The following COL6A1 variants were observed in gnomAD, a reference collection of about 807,000 sequenced individuals.
COL6A1 encodes the protein collagen alpha-1(VI) chain.
COL6A1 carries 80 observed loss-of-function variants against 145.6 expected under a neutral mutation model. That is an observed-to-expected ratio of 0.55 (90% CI 0.46 to 0.66). The LOEUF is 0.66. COL6A1 is among the 30% of genes least tolerant of loss of function. The probability of loss-of-function intolerance (pLI) is 0.00; values close to 1 mark genes in which losing one functional copy is unlikely to be tolerated. For missense variants in COL6A1, 1,364 were observed against 1,473.8 expected, an observed-to-expected ratio of 0.93 and a Z score of 1.22; for synonymous variants, 638 against 622.8, an observed-to-expected ratio of 1.02 and a Z score of -0.36.
intron 24 of COL6A1, 36 bp downstream of exon 24, chr21:45,998,469 CACAA>C: frequency 5.0e-6 from 8 of 1,612,740 alleles, no homozygotes; most frequent in African/African-American, 1.3e-5. Flanking sequence ...GCTGTGGGCA[CACAA>C]ACATTCACAG....
intron 13 of COL6A1, 48 bp downstream of exon 13, chr21:45,990,470 G>GGTGGACAGTGTGAAGGTGACCA: frequency 2.1e-6 from 1 of 485,178 alleles, no homozygotes; most frequent in Non-Finnish European, 2.8e-6. Flanking sequence ...GGAGGAATGG[G>GGTGGACAGTGTGAAGGTGACCA]GCGAGATGGG....
In COL6A1 at chr21:45,998,950, C is replaced by G. The variant is rs369802454; in HGVS notation, c.1665C>G (p.Pro555=). ...LKGDEGEAGD[P]GDDNNDIAPR... is the part of the protein sequence containing the mutation. Reference sequence around the variant, plus strand: ...GGGACGAGGGAGAAGCCGGGGACCCCGGAGACGATGTAAGTGTGGATGGGA... The same window carrying G: ...GGGACGAGGGAGAAGCCGGGGACCCGGGAGACGATGTAAGTGTGGATGGGA... The change falls in exon 25 of 35, where the codon CCC becomes CCG. Residue 555 remains proline (P), a synonymous_variant. Transcript: ENST00000361866. 6.4e-7 allele frequency: 1 copy of G among 1,554,058 alleles called. No individual in the cohort carries two copies. The highest frequency in any genetic ancestry group is 1.2e-5 in the South Asian group (1 of 84,346).
rs1036934830 is a variant in COL6A1, at chr21:45,992,932, C to T, written c.1335+122C>T. The T allele has an allele frequency of 1.3e-5, 11 of 839,496 alleles. No homozygotes were observed. The Admixed American group carries it at 2.6e-4, about 20-fold the overall frequency. The allele number at this position is 839,496 out of a possible 1,614,324, so 52.0% of individuals were successfully genotyped here. ...AGCCCCTGTGGCCCCTCAACGTGGC[C>T]AGCCCATCCCCACGCCGTCAGGGAG... On this transcript the variant is annotated intron_variant, in intron 19 of 34. Transcript: ENST00000361866.
In COL6A1 at chr21:45,994,371, G is replaced by A. The variant is rs546270038; in HGVS notation, c.1398+142G>A. ...CCGTAGATCTCGGGGGTGTCCCTGC[G>A]TGGGAGCCGGCTGCAGGGGGTGAGG... On this transcript the variant is annotated intron_variant, in intron 20 of 34. Coordinates refer to ENST00000361866, the MANE Select transcript of COL6A1 (RefSeq NM_001848.3). This position sits in a 1 kb window ranked among gnomAD's most constrained non-coding sequence, Gnocchi z 6.8. 35 of 873,558 alleles carry A rather than the reference G, an allele frequency of 4.0e-5. No individual in the cohort carries two copies. The highest frequency in any genetic ancestry group is 1.9e-4 in the South Asian group (12 of 64,522). 54.1% of individuals were successfully genotyped at this position (873,558 alleles called of 1,614,324 possible).
chr21:46,003,080 G>A (rs1383298250), intron 33 of COL6A1, 40 bp from the exon 34 acceptor site: 2 of 1,613,886 alleles, frequency 1.2e-6, no homozygotes, highest in Admixed American at 3.3e-5. Flanking sequence ...GTTATAGGTG[G>A]AGCAGTGGGC....
chr21:45,986,863 C>T, intron 4 of COL6A1, 81 bp from the exon 5 acceptor site: 1 of 1,532,182 alleles, frequency 6.5e-7, no homozygotes, highest in Non-Finnish European at 8.7e-7. Context: ...CCAGCCCAGC[C>T]TCCCCTCTGG....
intron 34 of COL6A1, 114 bp downstream of exon 34, chr21:46,003,263 T>C (rs1438943148): frequency 6.2e-7 from 1 of 1,603,328 alleles, no homozygotes; most frequent in African/African-American, 1.3e-5. Flanking sequence ...AGTAGGTGCA[T>C]GGCTCACTCC....
At chr21:45,991,661 G>A (rs771384127) in intron 15 of COL6A1, among the ~76,000 whole-genome samples, 13 of 152,272 alleles carry the variant, frequency 8.5e-5, no homozygotes, top group Non-Finnish European at 1.6e-4. Context: ...CCCAGCAGAC[G>A]GTTTCCAAAT....
rs550349228 is a variant in COL6A1, at chr21:45,988,847, C to T, written c.805-237C>T. On this transcript the variant is annotated intron_variant, in intron 8 of 34. Transcript: ENST00000361866. ...GGGCTTCTGTGCTGCACGTCCCTCCCACCTGTGCCTGGGGGTCAGCAAAGC... is the reference window on the plus strand; with the variant it reads ...GGGCTTCTGTGCTGCACGTCCCTCCTACCTGTGCCTGGGGGTCAGCAAAGC... 1.6e-4 allele frequency among the ~76,000 whole-genome samples: 25 copies of T among 152,220 alleles called. No homozygotes were observed. The South Asian group carries it at 5.2e-3, about 32-fold the overall frequency.
intron 8 of COL6A1, among the ~76,000 whole-genome samples, chr21:45,988,604 C>T (rs1297238054): frequency 1.3e-5 from 2 of 152,124 alleles, no homozygotes; most frequent in African/African-American, 4.8e-5. Context: ...TTCAGAAGGA[C>T]CTTTCTGGAG....
In COL6A1 at chr21:45,981,929, A is replaced by G. The variant is rs1031520613; in HGVS notation, c.79A>G (p.Arg27Gly). The G allele has an allele frequency of 1.9e-6, 3 of 1,607,038 alleles. No homozygotes were observed. Among genetic ancestry groups the G allele is most frequent in the East Asian group, 2.2e-5 (1 of 44,550 alleles). The change falls in exon 1 of 35, where the codon AGG (arginine) becomes GGG (glycine). Residue 27 changes from arginine (R) to glycine (G), a missense_variant. Around this residue, in one of 3 missense-constraint regions of COL6A1, gnomAD observed 414 missense variants for 437.6 expected, o/e 0.95. Transcript: ENST00000361866. ...TAAQDEPETP[R>G]AVAFQDCPVD... Reference sequence around the variant, plus strand: ...CGCGCAGGATGAGCCGGAGACCCCGAGGGCCGTGGCCTTCCAGGGTGAGTG... The same window carrying G: ...CGCGCAGGATGAGCCGGAGACCCCGGGGGCCGTGGCCTTCCAGGGTGAGTG...
chr21:45,998,259 G>A, intron 23 of COL6A1, 88 bp downstream of exon 23: 15 of 1,581,750 alleles, frequency 9.5e-6, no homozygotes, highest in Non-Finnish European at 1.3e-5. Flanking sequence ...TGGGTGGGCG[G>A]GCTGGCCCCA....
chr21:45,997,520 G>GT (rs761373744), intron 21 of COL6A1, 37 bp downstream of exon 21: 5 of 1,601,816 alleles, frequency 3.1e-6, no homozygotes, highest in Middle Eastern at 1.7e-4. Context: ...GCCCACCCAG[G>GT]GGGGCCTGAG....
chr21:45,987,052 G>A lies in COL6A1; in HGVS notation c.697G>A (p.Asp233Asn), dbSNP rs1259945808. Residue 233 changes from aspartate (D) to asparagine (N), a missense_variant, in exon 5 of 35, where the codon GAC (aspartate) becomes AAC (asparagine). Asp to Asn is a conservative substitution (Grantham distance 23, BLOSUM62 1). Transcript: ENST00000361866. ...AGAGGAGGCCATCAGCCAGACCATC[G>A]ACACCATCGTGGACATGATCGTGAG... ...DAEEAISQTI[D>N]TIVDMIKNNV... The A allele has an allele frequency of 1.0e-5, 16 of 1,554,152 alleles. No individual in the cohort carries two copies. The highest frequency in any genetic ancestry group is 1.4e-5 in the African/African-American group (1 of 73,362).
At chr21:45,997,644 C>T in intron 21 of COL6A1, 56 bp from the exon 22 acceptor site, 2 of 1,562,272 alleles carry the variant, frequency 1.3e-6, no homozygotes, top group Non-Finnish European at 1.7e-6. Context: ...GGCCCTGCTT[C>T]CCTCCAAGGT....
chr21:45,989,680 GC>G (rs1193438318), intron 10 of COL6A1, 28 bp downstream of exon 10: 1 of 1,613,004 alleles, frequency 6.2e-7, no homozygotes, highest in Non-Finnish European at 8.5e-7. Flanking sequence ...CCTGGCCCGA[GC>G]CCGGTGGTGC....
At position 46,004,190 on chromosome 21, in the gene COL6A1, G is replaced by A; in HGVS notation, c.*177G>A. The A allele has an allele frequency of 2.3e-6, 2 of 870,178 alleles. No homozygotes were observed. Among genetic ancestry groups the A allele is most frequent in the Non-Finnish European group, 3.5e-6 (2 of 574,324 alleles). The allele number at this position is 870,178 out of a possible 1,614,324, so 53.9% of individuals were successfully genotyped here. A position where few individuals can be genotyped will look rare whatever the true frequency, so the allele number is the denominator to read the frequency against. On this transcript the variant is annotated 3_prime_UTR_variant, in exon 35 of 35. Coordinates refer to ENST00000361866, the MANE Select transcript of COL6A1 (RefSeq NM_001848.3). Reference sequence around the variant, plus strand: ...GCCTGCTTTGTGCAGGGTCCTCCGGGGCTCAGCCCTGAGTTGGCATCACCT... The same window carrying A: ...GCCTGCTTTGTGCAGGGTCCTCCGGAGCTCAGCCCTGAGTTGGCATCACCT...
At chr21:45,985,845 C>T (rs1459552022) in intron 3 of COL6A1, among the ~76,000 whole-genome samples, 1 of 152,210 alleles carries the variant, frequency 6.6e-6, no homozygotes, top group African/African-American at 2.4e-5. Flanking sequence ...CAAGCTGGGA[C>T]CTGGGGGACT....
At chr21:45,999,714 T>C (rs1165979308) in intron 27 of COL6A1, 22 bp downstream of exon 27, 2 of 1,606,404 alleles carry the variant, frequency 1.2e-6, no homozygotes, top group South Asian at 1.1e-5. Context: ...TCTGTGAACA[T>C]TGCTGGGGGC....
Sources: gnomAD v4.1 joint callset for allele counts (sites outside exome capture counted in the v4.1 genomes callset) on GRCh38, gnomAD v4.1.1 for gene constraint, gnomAD v4.1.1 regional missense constraint, Gnocchi (gnomAD v3.1) non-coding constraint, MANE v1.5 for transcripts, NCBI Gene and HGNC (gene_info 2026-07-23, HGNC 2026-07-21) for gene names.